ASAP3: variants seen among roughly 807,000 people sequenced by gnomAD.
ASAP3 encodes the protein ArfGAP with SH3 domain, ankyrin repeat and PH domain 3, also known as arf-GAP with SH3 domain, ANK repeat and PH domain-containing protein 3.
In ASAP3, 85 loss-of-function variants were observed where a neutral mutation model predicts 118.2. The ratio of observed to expected loss-of-function variants is 0.72; its 90% CI spans 0.60 to 0.86. ASAP3 has a LOEUF of 0.86. Among genes scored for constraint, ASAP3 ranks in the 40% least tolerant of loss-of-function variants. ASAP3 has a pLI of 0.00. For missense variants in ASAP3, 1,026 were observed against 1,175.0 expected (o/e 0.87, Z 1.85); for synonymous variants, 432 against 477.4 (o/e 0.90, Z 1.24).
At chr1:23,470,437 C>T (rs1328635406) in intron 1 of ASAP3, among the ~76,000 whole-genome samples, 1 of 152,192 alleles carries the variant, frequency 6.6e-6, no homozygotes, top group Non-Finnish European at 1.5e-5. Flanking sequence ...GCCCTTGGCC[C>T]TGCTTGCCAC....
intron 5 of ASAP3, 171 bp from the exon 6 acceptor site, chr1:23,442,783 G>T: frequency 1.9e-6 from 2 of 1,026,588 alleles, no homozygotes; most frequent in Non-Finnish European, 2.7e-6. Flanking sequence ...ACAGAGTGGT[G>T]GGGGAGAAAG....
chr1:23,452,917 C>T, intron 3 of ASAP3, 146 bp from the exon 4 acceptor site: 1 of 783,648 alleles, frequency 1.3e-6, no homozygotes, highest in Non-Finnish European at 2.1e-6. Context: ...AAAGAGATGA[C>T]AGCCAAGTAA....
In ASAP3 at chr1:23,450,049, G is replaced by A. The variant is rs547472313; in HGVS notation, c.473+1430C>T. ...AGATGGCCGTGCCCCATCACAGGCAGGGATAGGGCCCCACAGGGATGGCCA... is the reference window on the plus strand; with the variant it reads ...AGATGGCCGTGCCCCATCACAGGCAAGGATAGGGCCCCACAGGGATGGCCA... On this transcript the variant is annotated intron_variant, in intron 5 of 24. Transcript: ENST00000336689. 8.5e-5 allele frequency among the ~76,000 whole-genome samples: 13 copies of A among 152,338 alleles called. No homozygotes were observed. The South Asian group carries it at 2.7e-3, about 32-fold the overall frequency.
At chr1:23,476,032 C>T (rs1642117648) in intron 1 of ASAP3, among the ~76,000 whole-genome samples, 1 of 151,940 alleles carries the variant, frequency 6.6e-6, no homozygotes, top group Admixed American at 6.6e-5. Context: ...TTCCCCTTCT[C>T]GGTATATGGC....
intron 5 of ASAP3, among the ~76,000 whole-genome samples, chr1:23,443,701 T>TC (rs1329283289): frequency 6.8e-6 from 1 of 147,904 alleles, no homozygotes; most frequent in Non-Finnish European, 1.5e-5. Context: ...CAGCTAATCT[T>TC]TTTTTTTTTT....
chr1:23,450,569 T>C (rs1443732023), intron 5 of ASAP3, among the ~76,000 whole-genome samples: 2 of 152,004 alleles, frequency 1.3e-5, no homozygotes, highest in Non-Finnish European at 2.9e-5. Context: ...CCAACCTTTT[T>C]TTTTTAATGA....
At chr1:23,446,531 A>G (rs1216978368) in intron 5 of ASAP3, among the ~76,000 whole-genome samples, 2 of 148,526 alleles carry the variant, frequency 1.3e-5, no homozygotes, top group African/African-American at 2.5e-5. Context: ...TCTGCCTCCC[A>G]GGTTCAAGCG....
chr1:23,467,173 C>CATTGCCATT (rs1641799967), intron 1 of ASAP3, among the ~76,000 whole-genome samples: 1 of 148,288 alleles, frequency 6.7e-6, no homozygotes, highest in African/African-American at 2.5e-5. Context: ...CCATTACAGC[C>CATTGCCATT]ATTATTATTA....
rs1640913668 is a variant in ASAP3 at position 23,442,613 on chromosome 1, C to G, written c.474-1G>C. 1.2e-6 allele frequency: 2 copies of G among 1,613,622 alleles called. No homozygotes were observed. Among genetic ancestry groups the G allele is most frequent in the African/African-American group, 1.3e-5 (1 of 75,026 alleles). On this transcript the variant is annotated splice_acceptor_variant, in intron 5 of 24. Coordinates refer to ENST00000336689, the MANE Select transcript of ASAP3 (RefSeq NM_017707.4). LOFTEE classifies it high-confidence loss of function. ...ATCGCGCTCCTTCTCCAGCTTGGCC[C>G]TAGACCCCAAGGAAAGAGAAGCCTG... is the stretch of plus-strand genomic sequence containing the variant.
chr1:23,435,503 G>C (rs1262540553), intron 17 of ASAP3, among the ~76,000 whole-genome samples: 1 of 152,206 alleles, frequency 6.6e-6, no homozygotes, highest in African/African-American at 2.4e-5. Context: ...TTAGGTGAAA[G>C]AAAAAGATAT....
At chr1:23,450,298 C>T (rs938580073) in intron 5 of ASAP3, among the ~76,000 whole-genome samples, 15 of 152,148 alleles carry the variant, frequency 9.9e-5, no homozygotes, top group Admixed American at 1.3e-4. Context: ...TCTCCAATGA[C>T]AGGAACAGAT....
Position 23,437,492 on chromosome 1 carries a change from C to G in ASAP3, c.1103-20G>C. On this transcript the variant is annotated intron_variant, in intron 12 of 24. Coordinates refer to ENST00000336689, the MANE Select transcript of ASAP3 (RefSeq NM_017707.4). The surrounding 1 kb of genome is among the most constrained non-coding windows in gnomAD (Gnocchi z 6.1). The stretch of plus-strand genomic sequence containing the variant: ...GGTTGTCTGTCGGGAGAGAAGGGGG[C>G]TTCTGACCCACAGAAATGCTGCTGG... 1.2e-6 allele frequency: 2 copies of G among 1,613,822 alleles called. No homozygotes were observed. Among genetic ancestry groups the G allele is most frequent in the Non-Finnish European group, 8.5e-7 (1 of 1,179,846 alleles).
intron 10 of ASAP3, 44 bp downstream of exon 10, chr1:23,441,058 G>A (rs745829416): frequency 6.5e-7 from 1 of 1,549,052 alleles, no homozygotes; most frequent in Admixed American, 1.7e-5. Context: ...TCATTTACTT[G>A]CAGTGTGACA....
chr1:23,433,629 C>G lies in ASAP3; in HGVS notation c.2016G>C (p.Glu672Asp). The change falls in exon 20 of 25, where the codon GAG becomes GAC. Residue 672 changes from glutamate (E) to aspartate (D), a missense_variant. Coordinates refer to ENST00000336689, the MANE Select transcript of ASAP3 (RefSeq NM_017707.4). ...CCTTGCCTCCCCGAGTCCTCACCAG[C>G]TCCTCACACTCCTTGTGGTGCTTCT... ...ARKKHHKECE[E>D]LLEQAQAGTF... The G allele has an allele frequency of 6.2e-7, 1 of 1,614,252 alleles. No individual in the cohort carries two copies. Among genetic ancestry groups the G allele is most frequent in the East Asian group, 2.2e-5 (1 of 44,890 alleles).
chr1:23,473,647 T>C (rs767555781), intron 1 of ASAP3, among the ~76,000 whole-genome samples: 10 of 152,202 alleles, frequency 6.6e-5, no homozygotes, highest in South Asian at 4.1e-4. Flanking sequence ...TCTGTCTCCT[T>C]GTACCTCAGT....
intron 5 of ASAP3, 130 bp downstream of exon 5, chr1:23,451,349 G>A: frequency 2.0e-6 from 2 of 995,832 alleles, no homozygotes; most frequent in Non-Finnish European, 1.6e-6. Flanking sequence ...TAAACAATCT[G>A]CTGTAAATGC....
intron 5 of ASAP3, among the ~76,000 whole-genome samples, chr1:23,443,823 C>T (rs764492379): frequency 1.8e-4 from 28 of 151,968 alleles, no homozygotes; most frequent in South Asian, 6.2e-4. Flanking sequence ...TGGGTTCAAG[C>T]GATTCTCCTG....
At chr1:23,431,440 A>AG (rs1413639631) in intron 23 of ASAP3, among the ~76,000 whole-genome samples, 6 of 152,180 alleles carry the variant, frequency 3.9e-5, no homozygotes, top group Admixed American at 3.3e-4. Flanking sequence ...TAAGCCACAC[A>AG]GGGGGCTAAG....
rs1342883384 is a variant in ASAP3 at position 23,456,208 on chromosome 1, T to C, written c.130-14A>G. The C allele has an allele frequency of 6.2e-7, 1 of 1,613,398 alleles. No homozygotes were observed. Among genetic ancestry groups the C allele is most frequent in the East Asian group, 2.2e-5 (1 of 44,880 alleles). ...TCCTTCCAAGATCTGGAAGCAAATGTGGACAGAGGTTCAGGGATGCCAAGC... is the reference window on the plus strand; with the variant it reads ...TCCTTCCAAGATCTGGAAGCAAATGCGGACAGAGGTTCAGGGATGCCAAGC... On this transcript the variant is annotated splice_polypyrimidine_tract_variant and intron_variant, in intron 1 of 24. Coordinates refer to ENST00000336689, the MANE Select transcript of ASAP3 (RefSeq NM_017707.4).
Sources: gnomAD v4.1 joint callset for allele counts (sites outside exome capture counted in the v4.1 genomes callset) on GRCh38, gnomAD v4.1.1 for gene constraint, Gnocchi (gnomAD v3.1) non-coding constraint, MANE v1.5 for transcripts, NCBI Gene and HGNC (gene_info 2026-07-23, HGNC 2026-07-21) for gene names.